The following GPR143 variants were observed in gnomAD, a reference collection of about 807,000 sequenced individuals.
GPR143 encodes the protein G protein-coupled receptor 143.
A neutral mutation model predicts 27.6 loss-of-function variants in GPR143; 8 were observed. The observed-to-expected ratio is 0.29, with a 90% CI of 0.17 to 0.52. The LOEUF (loss-of-function observed/expected upper bound fraction) is 0.52, where lower values mean the gene tolerates loss of function less well. GPR143 is among the 20% of genes least tolerant of loss of function. GPR143 has a pLI of 0.96. For missense variants in GPR143, 303 were observed against 343.1 expected (o/e 0.88, Z 0.92); for synonymous variants, 156 against 153.2 (o/e 1.02, Z -0.13).
At chrX:9,753,535 CTT>C (rs1349035719) in intron 3 of GPR143, among the ~76,000 whole-genome samples, 1 of 110,606 alleles carries the variant, frequency 9.0e-6, no homozygotes, top group Non-Finnish European at 1.9e-5. Context: ...TGTGCTTGGG[CTT>C]GTCTGGTTTG....
intron 8 of GPR143, 39 bp downstream of exon 8, chrX:9,739,446 G>C (rs755297765): frequency 5.3e-5 from 53 of 995,404 alleles, no homozygotes; most frequent in Non-Finnish European, 7.2e-5. Flanking sequence ...GGAGCCCTGG[G>C]ACCCCGAAGT....
intron 1 of GPR143, among the ~76,000 whole-genome samples, chrX:9,771,708 TCTC>T (rs1281643666): frequency 4.1e-5 from 2 of 48,638 alleles, no homozygotes; most frequent in African/African-American, 1.6e-4. Context: ...GAGCATTCTC[TCTC>T]TTTTTTTTTT....
chrX:9,740,658 G>A (rs1408413673), intron 7 of GPR143: 3 of 289,978 alleles, frequency 1.0e-5, no homozygotes, highest in Admixed American at 6.3e-5. Context: ...TGATTTCCCA[G>A]TTAATACCAG....
rs187544051 is a variant in GPR143, at chrX:9,725,412, C to T, written c.*334G>A. 1 of 210,014 alleles carries T rather than the reference C, an allele frequency of 4.8e-6. No individual in the cohort carries two copies. Among genetic ancestry groups the T allele is most frequent in the Non-Finnish European group, 8.6e-6 (1 of 116,139 alleles). The allele number at this position is 210,014 out of a possible 1,213,427, so 17.3% of individuals were successfully genotyped here. A position where few individuals can be genotyped will look rare whatever the true frequency, so the allele number is the denominator to read the frequency against. ...GACAGAATCCAAGTCAGGCTGAGAG[C>T]TCAGTCATAACTATTTTATTTAACT... is the stretch of plus-strand genomic sequence containing the variant. On this transcript the variant is annotated 3_prime_UTR_variant, in exon 9 of 9. Transcript: ENST00000467482.
At position 9,738,062 on chromosome X, in the gene GPR143, T is replaced by C. The variant is rs2083386459; in HGVS notation, c.1120+1423A>G. Among the ~76,000 whole-genome samples the C allele has an allele frequency of 2.7e-5, 3 of 111,813 alleles. No homozygotes were observed. In the South Asian group the frequency reaches 1.1e-3, roughly 42 times the overall value. ...TCCAGGGATGGCTGCCCTGCTTATT[T>C]TTCTATTGGATCTGTATTTGCTTTT... On this transcript the variant is annotated intron_variant, in intron 8 of 8. Coordinates refer to ENST00000467482, the MANE Select transcript of GPR143 (RefSeq NM_000273.3).
Position 9,725,980 on chromosome X carries a change from C to CAAAAA in GPR143, c.1121-145_1121-141dup, listed in dbSNP as rs35066814. 3.1e-4 allele frequency: 111 copies of CAAAAA among 354,888 alleles called. 4 individuals carry two copies. In the African/African-American group the frequency reaches 4.8e-3, roughly 15 times the overall value. The allele number at this position is 354,888 out of a possible 1,213,427, so 29.2% of individuals were successfully genotyped here. ...AAAGTCCTAGCATTCATCTCATCTG[C>CAAAAA]AAAAAAAAAAAAAAAAAAAAAAAAA... On this transcript the variant is annotated intron_variant, in intron 8 of 8. Transcript: ENST00000467482.
intron 7 of GPR143, chrX:9,740,637 T>C (rs1335081372): frequency 2.1e-5 from 6 of 288,878 alleles, no homozygotes; most frequent in African/African-American, 8.2e-5. Flanking sequence ...ATTGGTATAA[T>C]TGTATATATT....
At chrX:9,769,154 T>C (rs749102396), upstream of GPR143, among the ~76,000 whole-genome samples, 84 of 111,896 alleles carry the variant, frequency 7.5e-4, no homozygotes, top group African/African-American at 2.5e-3. Flanking sequence ...GGTCTTTGAG[T>C]ACATGAAGGT....
At chrX:9,768,393 A>G (rs1262572639), upstream of GPR143, among the ~76,000 whole-genome samples, 2 of 111,354 alleles carry the variant, frequency 1.8e-5, no homozygotes, top group Non-Finnish European at 3.8e-5. Context: ...CATCTTTTGA[A>G]GTGGTGGAGT....
intron 8 of GPR143, among the ~76,000 whole-genome samples, chrX:9,735,458 A>G (rs752578193): frequency 1.8e-5 from 2 of 111,036 alleles, no homozygotes. Context: ...TCTATCATCT[A>G]AGACCCAGCC....
At chrX:9,760,077 T>C (rs184056727) in intron 2 of GPR143, among the ~76,000 whole-genome samples, 127 of 112,328 alleles carry the variant, frequency 1.1e-3, no homozygotes, top group African/African-American at 4.0e-3. Context: ...AATTTGTTTA[T>C]ATATAATTAT....
chrX:9,758,996 T>G (rs761235216), intron 3 of GPR143, among the ~76,000 whole-genome samples: 1 of 112,647 alleles, frequency 8.9e-6, no homozygotes, highest in African/African-American at 3.2e-5. Context: ...TTTCAAGGTT[T>G]TTAAAATCCT....
At chrX:9,774,077 G>A (rs1374730729) in intron 1 of GPR143, among the ~76,000 whole-genome samples, 1 of 110,126 alleles carries the variant, frequency 9.1e-6, no homozygotes, top group Admixed American at 9.8e-5. Context: ...TTGAGGCCAG[G>A]AGTTCAAGAC....
chrX:9,761,528 G>A (rs746692712), intron 1 of GPR143, among the ~76,000 whole-genome samples: 1 of 112,274 alleles, frequency 8.9e-6, no homozygotes, highest in Admixed American at 9.5e-5. Context: ...TGGATTTCTC[G>A]GCTGCATTTT....
At chrX:9,726,119 C>T (rs1001140876) in intron 8 of GPR143, 8 of 322,921 alleles carry the variant, frequency 2.5e-5, no homozygotes, top group African/African-American at 3.0e-5. Flanking sequence ...TAGGTGACTG[C>T]GGCACAGATG....
intron 1 of GPR143, among the ~76,000 whole-genome samples, chrX:9,775,364 G>C (rs1042394172): frequency 3.6e-5 from 4 of 112,127 alleles, no homozygotes; most frequent in Admixed American, 9.5e-5. Context: ...CTCAGCATGG[G>C]AAGAGAGGTG....
chrX:9,746,211 T>G, intron 4 of GPR143, 58 bp from the exon 5 acceptor site: 1 of 667,208 alleles, frequency 1.5e-6, no homozygotes, highest in Non-Finnish European at 2.5e-6. Flanking sequence ...CTAAAAGACA[T>G]CTACTTATCT....
At chrX:9,757,929 CTTTTT>C (rs750153794) in intron 3 of GPR143, among the ~76,000 whole-genome samples, 1 of 110,170 alleles carries the variant, frequency 9.1e-6, no homozygotes, top group African/African-American at 3.3e-5. Context: ...GCCTGGCTAT[CTTTTT>C]TTTATTTTTT....
chrX:9,752,965 G>A (rs768822923), intron 3 of GPR143, among the ~76,000 whole-genome samples: 1 of 111,510 alleles, frequency 9.0e-6, no homozygotes, highest in Non-Finnish European at 1.9e-5. Context: ...GTTGAGGACT[G>A]GGTCACAGAA....
Sources: gnomAD v4.1 joint callset for allele counts (sites outside exome capture counted in the v4.1 genomes callset) on GRCh38, gnomAD v4.1.1 for gene constraint, MANE v1.5 for transcripts, NCBI Gene and HGNC (gene_info 2026-07-23, HGNC 2026-07-21) for gene names.